The following PPIL2 variants were observed in gnomAD, a reference collection of about 807,000 sequenced individuals.
The protein encoded by PPIL2 is peptidylprolyl isomerase like 2.
Under a neutral mutation model 75.2 loss-of-function variants are expected in PPIL2, and 50 were observed. The observed-to-expected ratio is 0.66, with a 90% CI of 0.53 to 0.84. The LOEUF is 0.84. PPIL2 is among the 40% of genes least tolerant of loss of function. The pLI, the probability that PPIL2 is intolerant of heterozygous loss-of-function variation, is 0.00. For synonymous variants in PPIL2, 245 were observed against 258.8 expected (o/e 0.95, Z 0.51); for missense variants, 590 against 685.0 (o/e 0.86, Z 1.55).
intron 10 of PPIL2, among the ~76,000 whole-genome samples, chr22:21,685,257 C>T (rs376997544): frequency 2.6e-5 from 4 of 152,206 alleles, no homozygotes; most frequent in African/African-American, 7.2e-5. Context: ...AGGGCAGGCA[C>T]GTTGAGCGGG....
chr22:21,682,341 T>C lies in PPIL2; in HGVS notation c.388-96T>C, dbSNP rs2067161824. On this transcript the variant is annotated intron_variant, in intron 7 of 19. Transcript: ENST00000398831. ...CTCATTCCTCATGCCTCTCAAATCG[T>C]GCCATGGTCGGGGCCAGCTCCAGGC... 1.3e-5 allele frequency: 13 copies of C among 1,023,804 alleles called. 1 individual carries two copies. In the East Asian group the frequency reaches 3.1e-4, roughly 25 times the overall value. 63.4% of individuals were successfully genotyped at this position (1,023,804 alleles called of 1,614,324 possible).
At chr22:21,686,423 C>T (rs747626900) in intron 10 of PPIL2, 60 bp from the exon 11 acceptor site, 72 of 1,517,780 alleles carry the variant, frequency 4.7e-5, no homozygotes, top group African/African-American at 6.9e-5. Context: ...GCAAGCGACA[C>T]GTCCCCACCC....
intron 16 of PPIL2, 131 bp from the exon 17 acceptor site, chr22:21,694,462 C>G: frequency 1.0e-6 from 1 of 977,536 alleles, no homozygotes; most frequent in East Asian, 2.5e-5. Context: ...TCATCGCCTT[C>G]CTGGCTGCTG....
intron 4 of PPIL2, 80 bp from the exon 5 acceptor site, chr22:21,672,250 C>A: frequency 7.9e-7 from 1 of 1,267,388 alleles, no homozygotes; most frequent in Non-Finnish European, 1.2e-6. Context: ...AACCTGGAAG[C>A]AGCCCTGCAA....
intron 6 of PPIL2, among the ~76,000 whole-genome samples, chr22:21,677,203 T>G (rs187670357): frequency 0.023 from 3,462 of 151,534 alleles, 132 homozygotes; most frequent in African/African-American, 0.079. Flanking sequence ...ACTCCTCACC[T>G]CCCAGATGGG....
intron 12 of PPIL2, 136 bp from the exon 13 acceptor site, chr22:21,687,507 C>T (rs2067420120): frequency 9.6e-6 from 6 of 627,908 alleles, no homozygotes; most frequent in Admixed American, 3.1e-5. Context: ...GAGCCAAGAT[C>T]GCGCCACAGC....
intron 7 of PPIL2, among the ~76,000 whole-genome samples, 184 bp downstream of exon 7, chr22:21,681,574 C>CA (rs1202614835): frequency 6.6e-6 from 1 of 151,960 alleles, no homozygotes; most frequent in African/African-American, 2.4e-5. Context: ...TCAGGCAGGT[C>CA]AAAAAAAGGG....
chr22:21,682,316 C>G (rs1398106261), intron 7 of PPIL2, 121 bp from the exon 8 acceptor site: 3 of 810,238 alleles, frequency 3.7e-6, no homozygotes, highest in Admixed American at 2.0e-5. Flanking sequence ...TGCTGTCTCT[C>G]TCATTCCTCA....
At chr22:21,691,307 A>T (rs1569042878) in intron 15 of PPIL2, among the ~76,000 whole-genome samples, 2 of 152,022 alleles carry the variant, frequency 1.3e-5, no homozygotes, top group African/African-American at 4.8e-5. Context: ...AGGTTTGCCT[A>T]TTTTACCGTA....
chr22:21,680,173 C>T (rs2067052758), intron 6 of PPIL2, among the ~76,000 whole-genome samples: 1 of 151,954 alleles, frequency 6.6e-6, no homozygotes, highest in African/African-American at 2.4e-5. Flanking sequence ...CTTTTTTATC[C>T]CCAGAAGTGG....
rs902897757 is a variant in PPIL2, at chr22:21,666,073, C to T, written c.-27C>T. On this transcript the variant is annotated 5_prime_UTR_variant, in exon 1 of 20. Transcript: ENST00000398831. Reference sequence around the variant, plus strand: ...AGTTGTCAGCCGTTGTTTTTTCGTGCTCGCTAGTCGCCGCCGCCGCTCCGC... The same window carrying T: ...AGTTGTCAGCCGTTGTTTTTTCGTGTTCGCTAGTCGCCGCCGCCGCTCCGC... The T allele has an allele frequency of 1.4e-5, 22 of 1,610,652 alleles. No individual in the cohort carries two copies. Among genetic ancestry groups the T allele is most frequent in the African/African-American group, 2.7e-5 (2 of 74,798 alleles).
At chr22:21,669,851 C>A (rs1405682970) in intron 1 of PPIL2, 62 bp from the exon 2 acceptor site, 1 of 1,520,618 alleles carries the variant, frequency 6.6e-7, no homozygotes. Context: ...TTACTCACTT[C>A]CAAAGACTTC....
At chr22:21,670,338 C>T (rs1293225847) in intron 2 of PPIL2, 1 of 1,508,234 alleles carries the variant, frequency 6.6e-7, no homozygotes. Context: ...AGAGCACTGT[C>T]ATAATTTTAA....
Position 21,696,387 on chromosome 22 carries a change from CCTGCTGAAGTGGCCTTG to C in PPIL2, c.*903_*919del. The C allele has an allele frequency of 8.7e-7, 1 of 1,155,088 alleles. No individual in the cohort carries two copies. The highest frequency in any genetic ancestry group is 1.1e-6 in the Non-Finnish European group (1 of 929,382). The allele number at this position is 1,155,088 out of a possible 1,614,324, so 71.6% of individuals were successfully genotyped here. ...AAGTGGATGTCCCTCTCCCCGCCCTCCTGCTGAAGTGGCCTTGCTGCTCTCAGGCCCGGCCACTGGGC... is the reference window on the plus strand; with the variant it reads ...AAGTGGATGTCCCTCTCCCCGCCCTCCTGCTCTCAGGCCCGGCCACTGGGC... On this transcript the variant is annotated 3_prime_UTR_variant, in exon 20 of 20. Transcript: ENST00000398831.
chr22:21,673,182 G>A (rs915091077), intron 5 of PPIL2, among the ~76,000 whole-genome samples: 6 of 152,206 alleles, frequency 3.9e-5, no homozygotes, highest in African/African-American at 1.2e-4. Context: ...TCCTTAGGGA[G>A]GGCACTCTTC....
chr22:21,694,188 G>A (rs762095028), intron 16 of PPIL2, among the ~76,000 whole-genome samples: 3 of 152,154 alleles, frequency 2.0e-5, no homozygotes, highest in Non-Finnish European at 1.5e-5. Context: ...CTAGTCCAGG[G>A]GTCTTTCCAG....
chr22:21,671,554 G>T (rs2148503812), intron 4 of PPIL2, among the ~76,000 whole-genome samples: 1 of 151,542 alleles, frequency 6.6e-6, no homozygotes, highest in Non-Finnish European at 1.5e-5. Context: ...TTCTCTGAAA[G>T]TATAGTTTTT....
chr22:21,687,604 A>G (rs1415815788), intron 12 of PPIL2, 39 bp from the exon 13 acceptor site: 3 of 910,176 alleles, frequency 3.3e-6, no homozygotes, highest in Non-Finnish European at 4.9e-6. Context: ...TGCCTTTGGC[A>G]GCTCTCTGCT....
intron 1 of PPIL2, among the ~76,000 whole-genome samples, chr22:21,668,989 G>T (rs1224029048): frequency 1.3e-5 from 2 of 150,156 alleles, no homozygotes; most frequent in East Asian, 2.0e-4. Flanking sequence ...GGGATTACAG[G>T]TGTGAGCCAC....
Sources: gnomAD v4.1 joint callset for allele counts (sites outside exome capture counted in the v4.1 genomes callset) on GRCh38, gnomAD v4.1.1 for gene constraint, MANE v1.5 for transcripts, NCBI Gene and HGNC (gene_info 2026-07-23, HGNC 2026-07-21) for gene names.